LMO7: variants seen among roughly 807,000 people sequenced by gnomAD.
LMO7 encodes the protein LIM domain 7.
LMO7 carries 120 observed loss-of-function variants against 206.5 expected under a neutral mutation model. The ratio of observed to expected loss-of-function variants is 0.58; its 90% confidence interval spans 0.50 to 0.68. LMO7 has a LOEUF of 0.68. Among genes scored for constraint, LMO7 ranks in the 30% least tolerant of loss-of-function variants. The pLI, the probability that LMO7 is intolerant of heterozygous loss-of-function variation, is 0.00. For missense variants in LMO7, 1,959 were observed against 1,957.9 expected, an observed-to-expected ratio of 1.00 and a Z score of -0.01; for synonymous variants, 706 against 681.5, an observed-to-expected ratio of 1.04 and a Z score of -0.56.
At chr13:75,770,071 T>C (rs1409649042) in intron 4 of LMO7, among the ~76,000 whole-genome samples, 2 of 151,816 alleles carry the variant, frequency 1.3e-5, no homozygotes, top group African/African-American at 4.8e-5. Flanking sequence ...TGCCCAAGAG[T>C]AGAGCACACG....
intron 3 of LMO7, among the ~76,000 whole-genome samples, chr13:75,731,168 A>G (rs1344200055): frequency 6.6e-6 from 1 of 152,120 alleles, no homozygotes; most frequent in Non-Finnish European, 1.5e-5. Context: ...AGCCGAGTTC[A>G]ATTCCTGGGT....
At chr13:75,756,345 CTG>C in intron 3 of LMO7, among the ~76,000 whole-genome samples, 1 of 152,236 alleles carries the variant, frequency 6.6e-6, no homozygotes, top group Admixed American at 6.5e-5. Flanking sequence ...CCAGCTGAGA[CTG>C]AAAGGAATAG....
In LMO7 at chr13:75,676,830, T is replaced by C. The variant is rs558259539; in HGVS notation, c.70-36352T>C. Among the ~76,000 whole-genome samples the C allele has an allele frequency of 3.3e-5, 5 of 152,308 alleles. No homozygotes were observed. The South Asian group carries it at 1.0e-3, about 32-fold the overall frequency. ...GGGGTAGTATACGGTGGCAGTTCTT[T>C]GATGATTGCACATAAGGCATTCCTA... is the stretch of plus-strand genomic sequence containing the variant. On this transcript the variant is annotated intron_variant, in intron 1 of 30. Coordinates refer to ENST00000377534, the MANE Select transcript of LMO7 (RefSeq NM_001306080.2).
At chr13:75,694,886 C>A (rs2139669715) in intron 1 of LMO7, among the ~76,000 whole-genome samples, 1 of 152,238 alleles carries the variant, frequency 6.6e-6, no homozygotes, top group African/African-American at 2.4e-5. Context: ...AGAGGAAGAG[C>A]ACCTAGCCGG....
chr13:75,682,803 T>C (rs1192388356), intron 1 of LMO7, among the ~76,000 whole-genome samples: 1 of 152,214 alleles, frequency 6.6e-6, no homozygotes, highest in Non-Finnish European at 1.5e-5. Context: ...ATCCAATGTT[T>C]ACTACAATAA....
intron 1 of LMO7, among the ~76,000 whole-genome samples, chr13:75,655,870 G>GT (rs2038023886): frequency 6.6e-6 from 1 of 151,912 alleles, no homozygotes. Context: ...ATCTATCCCT[G>GT]TGTTGTCATT....
At chr13:75,849,889 T>A (rs1249878299) in intron 27 of LMO7, among the ~76,000 whole-genome samples, 1 of 152,176 alleles carries the variant, frequency 6.6e-6, no homozygotes, top group African/African-American at 2.4e-5. Flanking sequence ...GGGGAATTTA[T>A]TTGTAACATA....
intron 1 of LMO7, among the ~76,000 whole-genome samples, chr13:75,712,347 T>C (rs1363569021): frequency 6.6e-6 from 1 of 152,194 alleles, no homozygotes; most frequent in Non-Finnish European, 1.5e-5. Context: ...TGCCCTCCCC[T>C]TGAGCTGGGA....
chr13:75,704,119 G>T (rs1007364438), intron 1 of LMO7, among the ~76,000 whole-genome samples: 20 of 152,176 alleles, frequency 1.3e-4, no homozygotes, highest in African/African-American at 4.6e-4. Context: ...TTGATTGACA[G>T]CTTTAGAGAA....
chr13:75,804,873 G>A, intron 8 of LMO7: 1 of 1,034,832 alleles, frequency 9.7e-7, no homozygotes, highest in Non-Finnish European at 1.2e-6. Flanking sequence ...TAGTGGACAT[G>A]AAAAGAATCC....
intron 3 of LMO7, among the ~76,000 whole-genome samples, chr13:75,729,937 T>C (rs1347589626): frequency 1.8e-4 from 28 of 152,232 alleles, no homozygotes; most frequent in African/African-American, 6.7e-4. Flanking sequence ...CATTGATTGA[T>C]TTGCATATAT....
intron 19 of LMO7, among the ~76,000 whole-genome samples, chr13:75,837,891 A>T (rs951067743): frequency 6.6e-6 from 1 of 152,146 alleles, no homozygotes; most frequent in Admixed American, 6.5e-5. Flanking sequence ...TAGCTGTGAA[A>T]CTATCATGCT....
At chr13:75,764,748 A>G (rs914884383) in intron 4 of LMO7, among the ~76,000 whole-genome samples, 25 of 152,118 alleles carry the variant, frequency 1.6e-4, no homozygotes, top group African/African-American at 6.0e-4. Flanking sequence ...TACCATTCCA[A>G]TCCAGTTTTT....
intron 6 of LMO7, 26 bp downstream of exon 6, chr13:75,796,775 T>G: frequency 7.6e-7 from 1 of 1,320,886 alleles, no homozygotes; most frequent in Non-Finnish European, 1.1e-6. Flanking sequence ...CTGTGTGAGA[T>G]TACTGCTGTA....
chr13:75,671,523 T>C (rs1291813539), intron 1 of LMO7, among the ~76,000 whole-genome samples: 1 of 152,142 alleles, frequency 6.6e-6, no homozygotes, highest in Admixed American at 6.5e-5. Context: ...GTGATTACTT[T>C]TCTGTCTCCC....
intron 3 of LMO7, among the ~76,000 whole-genome samples, chr13:75,758,016 C>G (rs2047828878): frequency 6.6e-6 from 1 of 151,916 alleles, no homozygotes; most frequent in African/African-American, 2.4e-5. Context: ...AAAATGATTG[C>G]CCTTGATAAT....
upstream of LMO7, chr13:75,636,291 G>T: frequency 6.5e-6 from 7 of 1,072,982 alleles, no homozygotes; most frequent in Non-Finnish European, 7.9e-6. Flanking sequence ...CGGGGCCACC[G>T]CGGGGAGGAC....
chr13:75,655,246 A>G (rs567473520), intron 1 of LMO7, among the ~76,000 whole-genome samples: 84 of 152,304 alleles, frequency 5.5e-4, no homozygotes, highest in African/African-American at 1.9e-3. Context: ...TTATCTAGCT[A>G]TAGAAGTTTC....
chr13:75,641,721 C>G (rs1390765588), intron 1 of LMO7, among the ~76,000 whole-genome samples: 3 of 152,116 alleles, frequency 2.0e-5, no homozygotes, highest in African/African-American at 7.2e-5. Flanking sequence ...GTGCTGTGAT[C>G]TTGGCTCACT....
Sources: allele counts gnomAD v4.1 joint callset (sites outside exome capture counted in the v4.1 genomes callset), GRCh38; gene constraint gnomAD v4.1.1; transcripts MANE v1.5; gene names NCBI Gene and HGNC (gene_info 2026-07-23, HGNC 2026-07-21).